The following EPHB3 variants were observed in gnomAD, a reference collection of about 807,000 sequenced individuals.
EPHB3 encodes EPH receptor B3.
EPHB3 carries 33 observed loss-of-function variants against 100.2 expected under a neutral mutation model. The observed-to-expected ratio is 0.33, with a 90% confidence interval of 0.25 to 0.44. The LOEUF (loss-of-function observed/expected upper bound fraction) is 0.44. Ranked by LOEUF, EPHB3 falls within the 20% of genes least tolerant of loss-of-function variation. The pLI is 1.00. For missense variants in EPHB3, 1,045 were observed against 1,378.3 expected, an observed-to-expected ratio of 0.76 and a Z score of 3.83; for synonymous variants, 526 against 554.7, an observed-to-expected ratio of 0.95 and a Z score of 0.73.
Position 184,577,208 on chromosome 3 carries a change from G to A in EPHB3, c.1354+25G>A. ...GGTGAGGAGGGGACACTGGAGGGTA[G>A]GGCCTGGGTCACTTTCTCCTGGATG... On this transcript the variant is annotated intron_variant, in intron 5 of 15. Coordinates refer to ENST00000330394, the MANE Select transcript of EPHB3 (RefSeq NM_004443.4). This position sits in a 1 kb window ranked among gnomAD's most constrained non-coding sequence, Gnocchi z 4.9. 6.3e-7 allele frequency: 1 copy of A among 1,577,294 alleles called. No homozygotes were observed. Among genetic ancestry groups the A allele is most frequent in the South Asian group, 1.2e-5 (1 of 85,640 alleles).
At chr3:184,568,579 G>C (rs1363928128) in intron 1 of EPHB3, among the ~76,000 whole-genome samples, 1 of 151,040 alleles carries the variant, frequency 6.6e-6, no homozygotes, top group East Asian at 2.0e-4. Flanking sequence ...ACCACGGACA[G>C]ATGGGTTCTA....
chr3:184,581,778 T>C lies in EPHB3; in HGVS notation c.*156T>C, dbSNP rs1292990137. 1.3e-5 allele frequency: 9 copies of C among 688,006 alleles called. No homozygotes were observed. Among genetic ancestry groups the C allele is most frequent in the Non-Finnish European group, 2.1e-5 (9 of 422,172 alleles). 42.6% of individuals were successfully genotyped at this position (688,006 alleles called of 1,614,324 possible). A position where few individuals can be genotyped will look rare whatever the true frequency, so the allele number is the denominator to read the frequency against. ...AAGCTGGGACTTCTCCAGGCCTGTG[T>C]TCCCTCCCCAGGAAGTGCGCCCCAA... On this transcript the variant is annotated 3_prime_UTR_variant, in exon 16 of 16. Transcript: ENST00000330394.
chr3:184,576,820 T>C (rs1256904122), intron 4 of EPHB3, 22 bp from the exon 5 acceptor site: 1 of 1,523,020 alleles, frequency 6.6e-7, no homozygotes, highest in East Asian at 2.3e-5. Context: ...CTCACTACCT[T>C]CTCCCTCCAT....
rs374841913 is a variant in EPHB3, at chr3:184,581,501, G to C, written c.2889-13G>C. ...GAGGAAAGGGACTGATCCTAATTTG[G>C]CTCCACCTGCAGAGACCTGCTCCGT... On this transcript the variant is annotated splice_polypyrimidine_tract_variant and intron_variant, in intron 15 of 15. Transcript: ENST00000330394. 6.2e-7 allele frequency: 1 copy of C among 1,609,852 alleles called. No homozygotes were observed. Among genetic ancestry groups the C allele is most frequent in the Non-Finnish European group, 8.5e-7 (1 of 1,178,128 alleles).
At position 184,562,183 on chromosome 3, in the gene EPHB3, C is replaced by A; in HGVS notation, c.-53C>A. On this transcript the variant is annotated 5_prime_UTR_variant, in exon 1 of 16. Transcript: ENST00000330394. This position sits in a 1 kb window ranked among gnomAD's most constrained non-coding sequence, Gnocchi z 4.8. ...CTCTCTCGGGTGCCTGCAGCCCCGCCGGCGCGGCCCGGCCCGGCGCGGCCC... is the reference window on the plus strand; with the variant it reads ...CTCTCTCGGGTGCCTGCAGCCCCGCAGGCGCGGCCCGGCCCGGCGCGGCCC... 3.0e-6 allele frequency: 1 copy of A among 335,442 alleles called. No individual in the cohort carries two copies. The highest frequency in any genetic ancestry group is 1.1e-4 in the South Asian group (1 of 8,984). The allele number at this position is 335,442 out of a possible 1,614,324, so 20.8% of individuals were successfully genotyped here. A position where few individuals can be genotyped will look rare whatever the true frequency, so the allele number is the denominator to read the frequency against.
chr3:184,581,452 G>A, intron 15 of EPHB3, 44 bp downstream of exon 15: 2 of 1,589,802 alleles, frequency 1.3e-6, no homozygotes, highest in Middle Eastern at 1.7e-4. Flanking sequence ...GGGGGCCCTA[G>A]GCTGGGCCCA....
Position 184,562,549 on chromosome 3 carries a change from G to A in EPHB3, c.118+196G>A, listed in dbSNP as rs1221265819. ...GGAGGCTGGAGCTGGCTCGGAGGCAGGCAGCCCGCGGGTTGGGGGGTCGCG... is the reference window on the plus strand; with the variant it reads ...GGAGGCTGGAGCTGGCTCGGAGGCAAGCAGCCCGCGGGTTGGGGGGTCGCG... On this transcript the variant is annotated intron_variant, in intron 1 of 15. Coordinates refer to ENST00000330394, the MANE Select transcript of EPHB3 (RefSeq NM_004443.4). The surrounding 1 kb of genome is among the most constrained non-coding windows in gnomAD (Gnocchi z 4.8). Among the ~76,000 whole-genome samples, 1 of 152,100 alleles carries A rather than the reference G, an allele frequency of 6.6e-6. No homozygotes were observed. The highest frequency in any genetic ancestry group is 2.1e-4 in the South Asian group (1 of 4,832).
At position 184,578,392 on chromosome 3, in the gene EPHB3, C is replaced by T; in HGVS notation, c.1749-22C>T. On this transcript the variant is annotated intron_variant, in intron 8 of 15. Coordinates refer to ENST00000330394, the MANE Select transcript of EPHB3 (RefSeq NM_004443.4). This position sits in a 1 kb window ranked among gnomAD's most constrained non-coding sequence, Gnocchi z 4.7. Reference sequence around the variant, plus strand: ...GGCAGATGACTTGTCTCAGGCCTGCCCTCCACCCTGCCACCCTACAGGAAG... The same window carrying T: ...GGCAGATGACTTGTCTCAGGCCTGCTCTCCACCCTGCCACCCTACAGGAAG... 1 of 1,613,694 alleles carries T rather than the reference C, an allele frequency of 6.2e-7. No individual in the cohort carries two copies. The highest frequency in any genetic ancestry group is 8.5e-7 in the Non-Finnish European group (1 of 1,179,946).
intron 3 of EPHB3, 79 bp from the exon 4 acceptor site, chr3:184,575,751 C>T: frequency 6.7e-7 from 1 of 1,486,218 alleles, no homozygotes; most frequent in Non-Finnish European, 9.0e-7. Flanking sequence ...GGGGAGAAGC[C>T]AGGTTCTCAT....
At position 184,572,687 on chromosome 3, in the gene EPHB3, C is replaced by G; in HGVS notation, c.367C>G (p.Pro123Ala). 6.2e-7 allele frequency: 1 copy of G among 1,607,674 alleles called. No individual in the cohort carries two copies. The highest frequency in any genetic ancestry group is 1.1e-5 in the South Asian group (1 of 90,032). The change falls in exon 3 of 16, where the codon CCC becomes GCC. Residue 123 changes from proline to alanine, a missense_variant. By Grantham distance (27) the Pro-to-Ala change is conservative (BLOSUM62 -1). Coordinates refer to ENST00000330394, the MANE Select transcript of EPHB3 (RefSeq NM_004443.4). This position sits in a 1 kb window ranked among gnomAD's most constrained non-coding sequence, Gnocchi z 6.6. ...TGACTGCAACAGCATCCCCAACATC[C>G]CCGGCTCCTGCAAGGAGACCTTCAA... The part of the protein sequence containing the change: ...VRDCNSIPNI[P>A]GSCKETFNLF...
Position 184,572,986 on chromosome 3 carries a change from C to T in EPHB3, c.666C>T (p.Phe222=), listed in dbSNP as rs577684335. Residue 222 remains phenylalanine (F), a synonymous_variant, in exon 3 of 16, where the codon TTC becomes TTT. Coordinates refer to ENST00000330394, the MANE Select transcript of EPHB3 (RefSeq NM_004443.4). This position sits in a 1 kb window ranked among gnomAD's most constrained non-coding sequence, Gnocchi z 6.6. ...CCACCACCGCAGGCTTCGCACTCTT[C>T]CCCGAGACCCTCACTGGGGCGGAGC... The part of the protein sequence containing the change: ...CASTTAGFAL[F]PETLTGAEPT... The T allele has an allele frequency of 9.3e-6, 15 of 1,607,480 alleles. No homozygotes were observed. Among genetic ancestry groups the T allele is most frequent in the Non-Finnish European group, 1.3e-5 (15 of 1,176,578 alleles).
At chr3:184,576,327 T>C (rs1010679263) in intron 4 of EPHB3, among the ~76,000 whole-genome samples, 10 of 151,958 alleles carry the variant, frequency 6.6e-5, no homozygotes, top group African/African-American at 2.2e-4. Flanking sequence ...CCGTTGCCCC[T>C]CCGTCTGTAT....
At chr3:184,568,734 C>T (rs754127190) in intron 1 of EPHB3, among the ~76,000 whole-genome samples, 1 of 152,212 alleles carries the variant, frequency 6.6e-6, no homozygotes, top group Non-Finnish European at 1.5e-5. Context: ...ACGGGGAAAC[C>T]GAGAGCACGC....
At position 184,570,563 on chromosome 3, in the gene EPHB3, C is replaced by T. The variant is rs75385770; in HGVS notation, c.119-755C>T. ...CCTGCCCCATCACCTGTAGGTGCTG[C>T]GTGGGAGCTGGCTCTGGCCTGTCAC... On this transcript the variant is annotated intron_variant, in intron 1 of 15. Coordinates refer to ENST00000330394, the MANE Select transcript of EPHB3 (RefSeq NM_004443.4). Among the ~76,000 whole-genome samples, 159 of 152,362 alleles carry T rather than the reference C, an allele frequency of 1.0e-3. 2 individuals are homozygous for T. In the East Asian group the frequency reaches 0.029, roughly 27 times the overall value.
rs1316417905 is a variant in EPHB3, at chr3:184,580,737, G to A, written c.2397G>A (p.Lys799=). Residue 799 remains lysine, a synonymous_variant, in exon 13 of 16, where the codon AAG becomes AAA. Transcript: ENST00000330394. Reference sequence around the variant, plus strand: ...TGTGCCCCCCTCACCAGGGCGGGAAGATCCCCATCCGCTGGACTGCCCCAG... The same window carrying A: ...TGTGCCCCCCTCACCAGGGCGGGAAAATCCCCATCCGCTGGACTGCCCCAG... ...DPTYTSSLGG[K]IPIRWTAPEA... 6.2e-7 allele frequency: 1 copy of A among 1,613,946 alleles called. No homozygotes were observed. Among genetic ancestry groups the A allele is most frequent in the Admixed American group, 1.7e-5 (1 of 60,022 alleles).
At position 184,562,176 on chromosome 3, in the gene EPHB3, G is replaced by T. The variant is rs1479725046; in HGVS notation, c.-60G>T. On this transcript the variant is annotated 5_prime_UTR_variant, in exon 1 of 16. Coordinates refer to ENST00000330394, the MANE Select transcript of EPHB3 (RefSeq NM_004443.4). The surrounding 1 kb of genome is among the most constrained non-coding windows in gnomAD (Gnocchi z 4.8). Reference sequence around the variant, plus strand: ...GCGCACCCTCTCTCGGGTGCCTGCAGCCCCGCCGGCGCGGCCCGGCCCGGC... The same window carrying T: ...GCGCACCCTCTCTCGGGTGCCTGCATCCCCGCCGGCGCGGCCCGGCCCGGC... 6 of 290,556 alleles carry T rather than the reference G, an allele frequency of 2.1e-5. No individual in the cohort carries two copies. Among genetic ancestry groups the T allele is most frequent in the Non-Finnish European group, 2.7e-5 (5 of 187,500 alleles). The allele number at this position is 290,556 out of a possible 1,614,324, so 18.0% of individuals were successfully genotyped here.
At position 184,578,438 on chromosome 3, in the gene EPHB3, G is replaced by T. The variant is rs1434748186; in HGVS notation, c.1773G>T (p.Ser591=). 1.9e-6 allele frequency: 3 copies of T among 1,613,918 alleles called. No individual in the cohort carries two copies. Among genetic ancestry groups the T allele is most frequent in the South Asian group, 2.2e-5 (2 of 91,074 alleles). The change falls in exon 9 of 16, where the codon TCG becomes TCT. Residue 591 remains serine, a synonymous_variant. Transcript: ENST00000330394. This position sits in a 1 kb window ranked among gnomAD's most constrained non-coding sequence, Gnocchi z 4.7. The stretch of plus-strand genomic sequence containing the variant: ...GGAAGCAGCGACACGGCTCTGATTC[G>T]GAGTACACGGAGAAGCTGCAGCAGT... ...CLRKQRHGSD[S]EYTEKLQQYI... is the part of the protein sequence containing the mutation.
In EPHB3 at chr3:184,563,544, CTAA is replaced by C. The variant is rs2108433169; in HGVS notation, c.118+1193_118+1195del. Reference sequence around the variant, plus strand: ...AGAGAAAGGCATCCTCTGGTGCGTTCTAATGTTCTCCAGAGGAAAGACCTCCTA... The same window carrying C: ...AGAGAAAGGCATCCTCTGGTGCGTTCTGTTCTCCAGAGGAAAGACCTCCTA... On this transcript the variant is annotated intron_variant, in intron 1 of 15. Coordinates refer to ENST00000330394, the MANE Select transcript of EPHB3 (RefSeq NM_004443.4). This position sits in a 1 kb window ranked among gnomAD's most constrained non-coding sequence, Gnocchi z 4.1. 6.6e-6 allele frequency among the ~76,000 whole-genome samples: 1 copy of C among 152,302 alleles called. No homozygotes were observed. Among genetic ancestry groups the C allele is most frequent in the Admixed American group, 6.5e-5 (1 of 15,294 alleles).
Position 184,577,965 on chromosome 3 carries a change from C to T in EPHB3, c.1707C>T (p.Val569=). The part of the protein sequence containing the change: ...LIVGSATAGL[V]FVVAVVVIAI... ...TGGGCTCCGCTACAGCTGGGCTTGT[C>T]TTCGTGGTGGCTGTCGTGGTCATCG... Residue 569 remains valine (V), a synonymous_variant, in exon 8 of 16, where the codon GTC becomes GTT. Coordinates refer to ENST00000330394, the MANE Select transcript of EPHB3 (RefSeq NM_004443.4). The surrounding 1 kb of genome is among the most constrained non-coding windows in gnomAD (Gnocchi z 4.9). 1.2e-6 allele frequency: 2 copies of T among 1,614,048 alleles called. No individual in the cohort carries two copies. The highest frequency in any genetic ancestry group is 2.2e-5 in the South Asian group (2 of 91,084).
Sources: gnomAD v4.1 joint callset for allele counts (sites outside exome capture counted in the v4.1 genomes callset) on GRCh38, gnomAD v4.1.1 for gene constraint, Gnocchi (gnomAD v3.1) non-coding constraint, MANE v1.5 for transcripts, NCBI Gene and HGNC (gene_info 2026-07-23, HGNC 2026-07-21) for gene names.